KIF6: variants seen among roughly 807,000 people sequenced by gnomAD.
KIF6 encodes the protein kinesin-like protein KIF6.
A neutral mutation model predicts 112.7 loss-of-function variants in KIF6; 106 were observed. The ratio of observed to expected loss-of-function variants is 0.94; its 90% confidence interval spans 0.80 to 1.11. The LOEUF (loss-of-function observed/expected upper bound fraction) is 1.11. Ranked by LOEUF, KIF6 falls within the 50% of genes least tolerant of loss-of-function variation. The probability of loss-of-function intolerance (pLI) is 0.00; values close to 1 mark genes in which losing one functional copy is unlikely to be tolerated. For synonymous variants in KIF6, 339 were observed against 339.9 expected (o/e 1.00, Z 0.03); for missense variants, 929 against 964.0 (o/e 0.96, Z 0.48).
At chr6:39,379,547 T>C (rs1349617548) in intron 16 of KIF6, among the ~76,000 whole-genome samples, 2 of 152,158 alleles carry the variant, frequency 1.3e-5, no homozygotes, top group African/African-American at 2.4e-5. Context: ...CAGAGACCCA[T>C]GAGGCGGAGG....
chr6:39,660,835 G>A (rs367993144), intron 3 of KIF6, among the ~76,000 whole-genome samples: 1 of 152,044 alleles, frequency 6.6e-6, no homozygotes, highest in African/African-American at 2.4e-5. Context: ...TAATTATTCT[G>A]GTCAACAAAG....
chr6:39,679,444 A>T lies in KIF6; in HGVS notation c.251+35248T>A, dbSNP rs550086785. ...CGGAAGAAAAGTTAACAGAGGAGTC[A>T]TCTGTCCAGTAGAATTTTAGATCCT... On this transcript the variant is annotated intron_variant, in intron 3 of 22. Coordinates refer to ENST00000287152, the MANE Select transcript of KIF6 (RefSeq NM_145027.6). Among the ~76,000 whole-genome samples, 4 of 152,238 alleles carry T rather than the reference A, an allele frequency of 2.6e-5. No individual in the cohort carries two copies. In the East Asian group the frequency reaches 5.8e-4, roughly 22 times the overall value.
chr6:39,652,486 C>T (rs1368351977), intron 3 of KIF6, among the ~76,000 whole-genome samples: 1 of 151,034 alleles, frequency 6.6e-6, no homozygotes, highest in Non-Finnish European at 1.5e-5. Flanking sequence ...GAGATCGCAC[C>T]ATTGTACTCC....
intron 15 of KIF6, among the ~76,000 whole-genome samples, chr6:39,394,115 T>G (rs907581502): frequency 6.6e-6 from 1 of 152,110 alleles, no homozygotes; most frequent in Non-Finnish European, 1.5e-5. Flanking sequence ...ATATCTACAA[T>G]GCTATGACAG....
At chr6:39,511,554 A>G (rs1362873363) in intron 13 of KIF6, among the ~76,000 whole-genome samples, 4 of 152,196 alleles carry the variant, frequency 2.6e-5, no homozygotes, top group Non-Finnish European at 5.9e-5. Flanking sequence ...AGGATCTAGA[A>G]CTAGAAATAC....
chr6:39,377,299 TTGGCC>T (rs1472069436), intron 16 of KIF6, among the ~76,000 whole-genome samples: 1 of 152,142 alleles, frequency 6.6e-6, no homozygotes. Flanking sequence ...TTCTCCTACC[TTGGCC>T]TCCCAAAGTG....
chr6:39,479,069 C>T (rs1405032451), intron 13 of KIF6, among the ~76,000 whole-genome samples: 1 of 152,040 alleles, frequency 6.6e-6, no homozygotes, highest in Non-Finnish European at 1.5e-5. Context: ...ACTCTGTTGA[C>T]TGTTCCTTTT....
At chr6:39,571,242 TCA>T in intron 10 of KIF6, among the ~76,000 whole-genome samples, 1 of 152,210 alleles carries the variant, frequency 6.6e-6, no homozygotes, top group East Asian at 1.9e-4. Flanking sequence ...ACAAGATCTC[TCA>T]GACTTTTCTC....
At chr6:39,601,734 A>G (rs1159745723) in intron 6 of KIF6, among the ~76,000 whole-genome samples, 1 of 151,842 alleles carries the variant, frequency 6.6e-6, no homozygotes, top group Non-Finnish European at 1.5e-5. Flanking sequence ...ACACACACAC[A>G]CACACACACA....
At chr6:39,683,452 G>A (rs1364858330) in intron 3 of KIF6, among the ~76,000 whole-genome samples, 1 of 152,126 alleles carries the variant, frequency 6.6e-6, no homozygotes, top group Non-Finnish European at 1.5e-5. Context: ...TGGATAAAGA[G>A]GATCAAGAGT....
In KIF6 at chr6:39,431,147, T is replaced by C; in HGVS notation, c.1660A>G (p.Met554Val). 6.2e-7 allele frequency: 1 copy of C among 1,605,030 alleles called. No homozygotes were observed. The highest frequency in any genetic ancestry group is 1.7e-5 in the Admixed American group (1 of 59,958). ...LHKKIGMREE[M>V]SLGCQEAFEI... The stretch of plus-strand genomic sequence containing the variant: ...AAAGCCTCCTGGCATCCTAATGACA[T>C]TTCCTCTCTCATTCCTGTTTGGAGA... The change falls in exon 14 of 23, where the codon ATG (methionine) becomes GTG (valine). Residue 554 changes from methionine (M) to valine (V), a missense_variant. This residue lies in a region of KIF6 where 688 missense variants were observed against 662.7 expected (regional missense o/e 1.04). Transcript: ENST00000287152.
At chr6:39,497,012 C>T (rs1179492251) in intron 13 of KIF6, among the ~76,000 whole-genome samples, 4 of 152,264 alleles carry the variant, frequency 2.6e-5, no homozygotes, top group African/African-American at 4.8e-5. Flanking sequence ...TATTTAGGTG[C>T]CTTGCCCGCC....
chr6:39,397,724 G>A (rs746094383), intron 15 of KIF6, among the ~76,000 whole-genome samples: 5 of 152,090 alleles, frequency 3.3e-5, no homozygotes, highest in Non-Finnish European at 7.4e-5. Context: ...TTGCAGTGAA[G>A]CTTTGGGAGA....
chr6:39,576,560 G>A (rs1413211212), intron 10 of KIF6, among the ~76,000 whole-genome samples: 1 of 152,202 alleles, frequency 6.6e-6, no homozygotes, highest in African/African-American at 2.4e-5. Context: ...AAGACTGAAA[G>A]GGGGACGTGA....
rs192052603 is a variant in KIF6, at chr6:39,342,365, G to A, written c.2428+1344C>T. ...CAAACAATCTTACGTATTTGTCGAC[G>A]TGTTCATTGTCTGTCTCCTTCCTCC... On this transcript the variant is annotated intron_variant, in intron 22 of 22. Transcript: ENST00000287152. This position sits in a 1 kb window ranked among gnomAD's most constrained non-coding sequence, Gnocchi z 4.7. 9.2e-5 allele frequency among the ~76,000 whole-genome samples: 14 copies of A among 152,290 alleles called. No individual in the cohort carries two copies. Among genetic ancestry groups the A allele is most frequent in the Admixed American group, 6.5e-4 (10 of 15,300 alleles).
At chr6:39,383,245 A>G (rs749569926) in intron 16 of KIF6, among the ~76,000 whole-genome samples, 1 of 152,180 alleles carries the variant, frequency 6.6e-6, no homozygotes, top group Non-Finnish European at 1.5e-5. Context: ...TGTCTAGACC[A>G]ATGTCTAGAA....
intron 15 of KIF6, among the ~76,000 whole-genome samples, chr6:39,389,229 A>G (rs138613824): frequency 1.3e-5 from 2 of 152,284 alleles, no homozygotes; most frequent in Admixed American, 1.3e-4. Context: ...AGTCTTCTGA[A>G]TAAAACCATT....
chr6:39,498,615 A>G (rs1180988175), intron 13 of KIF6, among the ~76,000 whole-genome samples: 1 of 152,224 alleles, frequency 6.6e-6, no homozygotes, highest in Non-Finnish European at 1.5e-5. Flanking sequence ...TAGACAATAT[A>G]TAAACAAGTA....
chr6:39,673,680 C>A (rs1179702774), intron 3 of KIF6, among the ~76,000 whole-genome samples: 2 of 152,132 alleles, frequency 1.3e-5, no homozygotes, highest in Non-Finnish European at 2.9e-5. Context: ...TGGACTGTGA[C>A]ACTAAATATG....
Sources: gnomAD v4.1 joint callset for allele counts (sites outside exome capture counted in the v4.1 genomes callset) on GRCh38, gnomAD v4.1.1 for gene constraint, gnomAD v4.1.1 regional missense constraint, Gnocchi (gnomAD v3.1) non-coding constraint, MANE v1.5 for transcripts, NCBI Gene and HGNC (gene_info 2026-07-23, HGNC 2026-07-21) for gene names.